The following PRCP variants were observed in gnomAD, a reference collection of about 807,000 sequenced individuals.
The protein encoded by PRCP is lysosomal Pro-X carboxypeptidase.
A neutral mutation model predicts 54.2 loss-of-function variants in PRCP; 46 were observed. The ratio of observed to expected loss-of-function variants is 0.85; its 90% CI spans 0.67 to 1.09. The LOEUF is 1.09. PRCP is among the 50% of genes least tolerant of loss of function. The probability of loss-of-function intolerance (pLI) is 0.00; values close to 1 mark genes in which losing one functional copy is unlikely to be tolerated. For missense variants in PRCP, 613 were observed against 596.8 expected, an observed-to-expected ratio of 1.03 and a Z score of -0.28; for synonymous variants, 240 against 212.2, an observed-to-expected ratio of 1.13 and a Z score of -1.14.
At position 82,824,873 on chromosome 11, in the gene PRCP, T is replaced by A; in HGVS notation, c.*33A>T. ...GAATGGGAATGTGGTGGTGTGAACATAAAAGAAGAAATTGAAAACAATCAA... is the reference window on the plus strand; with the variant it reads ...GAATGGGAATGTGGTGGTGTGAACAAAAAAGAAGAAATTGAAAACAATCAA... On this transcript the variant is annotated 3_prime_UTR_variant, in exon 9 of 9. Coordinates refer to ENST00000313010, the MANE Select transcript of PRCP (RefSeq NM_005040.4). The A allele has an allele frequency of 2.5e-6, 4 of 1,577,412 alleles. No individual in the cohort carries two copies. The East Asian group carries it at 9.1e-5, about 36-fold the overall frequency.
chr11:82,851,291 G>A (rs1206081537), intron 3 of PRCP, among the ~76,000 whole-genome samples: 6 of 151,904 alleles, frequency 3.9e-5, no homozygotes, highest in African/African-American at 1.5e-4. Context: ...TAATGACTTG[G>A]TTCTAATGAA....
At chr11:82,827,242 T>C (rs780680782) in intron 8 of PRCP, 5 of 152,234 alleles carry the variant, frequency 3.3e-5, no homozygotes, top group Non-Finnish European at 7.3e-5. Context: ...ATAGTATCAT[T>C]TGCAGCACAA....
intron 6 of PRCP, among the ~76,000 whole-genome samples, chr11:82,846,357 G>A (rs74488352): frequency 0.15 from 22,211 of 151,856 alleles, 1,702 homozygotes; most frequent in Middle Eastern, 0.2. Context: ...GGAGGGAGAC[G>A]TAGTGGAAAA....
intron 3 of PRCP, among the ~76,000 whole-genome samples, chr11:82,852,276 A>C (rs7106571): frequency 0.12 from 17,518 of 152,138 alleles, 1,960 homozygotes; most frequent in African/African-American, 0.29. Context: ...TATTTTTACT[A>C]TTGTATTTAT....
intron 1 of PRCP, among the ~76,000 whole-genome samples, chr11:82,876,963 T>G (rs1477226080): frequency 2.6e-5 from 4 of 152,174 alleles, no homozygotes; most frequent in African/African-American, 9.7e-5. Flanking sequence ...TCCTAGAGAC[T>G]TGTTGAATGG....
At chr11:82,840,782 T>A (rs1310424555) in intron 6 of PRCP, 1 of 151,690 alleles carries the variant, frequency 6.6e-6, no homozygotes, top group Non-Finnish European at 1.5e-5. Context: ...TCCATTATTT[T>A]ACATGAAAAA....
chr11:82,836,850 CT>C, intron 8 of PRCP: 1 of 372,946 alleles, frequency 2.7e-6, no homozygotes, highest in Non-Finnish European at 5.4e-6. Flanking sequence ...ATCCAGCCTC[CT>C]TGCATTTTTG....
In PRCP at chr11:82,879,212, C is replaced by T. The variant is rs180860959; in HGVS notation, c.169-19095G>A. Among the ~76,000 whole-genome samples, 823 of 152,318 alleles carry T rather than the reference C, an allele frequency of 5.4e-3. 11 individuals are homozygous for T. The highest frequency in any genetic ancestry group is 0.019 in the African/African-American group (778 of 41,566). The stretch of plus-strand genomic sequence containing the variant: ...GGTCTTTTCACATAGTCCCATATTT[C>T]TTGAAGGCTTTGTTTGTTTCTTTTT... On this transcript the variant is annotated intron_variant, in intron 1 of 8. Transcript: ENST00000313010.
At chr11:82,862,262 AC>A (rs1398688042) in intron 1 of PRCP, among the ~76,000 whole-genome samples, 1 of 152,108 alleles carries the variant, frequency 6.6e-6, no homozygotes, top group Non-Finnish European at 1.5e-5. Context: ...ATTTCTTTTT[AC>A]CCTTTGAGAT....
intron 1 of PRCP, among the ~76,000 whole-genome samples, chr11:82,891,293 T>C (rs923263074): frequency 6.6e-6 from 1 of 152,130 alleles, no homozygotes; most frequent in African/African-American, 2.4e-5. Context: ...TTCAAAAATA[T>C]CCAGAATCTG....
chr11:82,837,873 G>C (rs1858564017), intron 8 of PRCP, among the ~76,000 whole-genome samples: 1 of 152,198 alleles, frequency 6.6e-6, no homozygotes, highest in South Asian at 2.1e-4. Context: ...CTAAAACAAA[G>C]CTGGATGAGC....
intron 1 of PRCP, among the ~76,000 whole-genome samples, chr11:82,888,804 T>C (rs1466520841): frequency 1.3e-5 from 2 of 152,142 alleles, no homozygotes; most frequent in Non-Finnish European, 2.9e-5. Context: ...TACACACACC[T>C]TCCTTACCTC....
chr11:82,856,276 T>C (rs1859079909), intron 2 of PRCP, among the ~76,000 whole-genome samples: 1 of 152,238 alleles, frequency 6.6e-6, no homozygotes, highest in South Asian at 2.1e-4. Context: ...CTAGATACCC[T>C]TCAAGAGTGG....
chr11:82,867,481 T>G (rs1473171367), intron 1 of PRCP, among the ~76,000 whole-genome samples: 1 of 152,186 alleles, frequency 6.6e-6, no homozygotes, highest in Non-Finnish European at 1.5e-5. Flanking sequence ...AACAGTTAAG[T>G]GTTTCATTAG....
chr11:82,859,233 T>C (rs1281138159), intron 2 of PRCP, among the ~76,000 whole-genome samples: 2 of 152,196 alleles, frequency 1.3e-5, no homozygotes, highest in African/African-American at 4.8e-5. Context: ...TAAAAGGTGA[T>C]AGAAAATATA....
chr11:82,888,293 G>A (rs1859916110), intron 1 of PRCP, among the ~76,000 whole-genome samples: 1 of 152,162 alleles, frequency 6.6e-6, no homozygotes, highest in Non-Finnish European at 1.5e-5. Flanking sequence ...ATGAGCAGCA[G>A]GAAAGACAGC....
chr11:82,848,357 T>C (rs1289293651), intron 6 of PRCP, among the ~76,000 whole-genome samples: 1 of 152,242 alleles, frequency 6.6e-6, no homozygotes, highest in Non-Finnish European at 1.5e-5. Flanking sequence ...CCTTATACTT[T>C]CCAAAGTGTT....
intron 1 of PRCP, among the ~76,000 whole-genome samples, chr11:82,870,876 T>C (rs1859463475): frequency 6.6e-6 from 1 of 152,206 alleles, no homozygotes; most frequent in African/African-American, 2.4e-5. Context: ...CCTATCTTCA[T>C]GCAGCCTGAA....
chr11:82,837,026 G>T (rs1858545827), intron 8 of PRCP: 1 of 196,588 alleles, frequency 5.1e-6, no homozygotes, highest in Non-Finnish European at 1.1e-5. Flanking sequence ...CTCATAAAAG[G>T]GCTGGAGGAA....
Sources: gnomAD v4.1 joint callset for allele counts (sites outside exome capture counted in the v4.1 genomes callset) on GRCh38, gnomAD v4.1.1 for gene constraint, MANE v1.5 for transcripts, NCBI Gene and HGNC (gene_info 2026-07-23, HGNC 2026-07-21) for gene names.